Variants in VAV3 observed in about 807,000 individuals in gnomAD.
VAV3 encodes guanine nucleotide exchange factor VAV3.
Under a neutral mutation model 131.2 loss-of-function variants are expected in VAV3, and 94 were observed. That is an observed-to-expected ratio of 0.72 (90% CI 0.61 to 0.85). VAV3 has a LOEUF of 0.85. VAV3 is among the 40% of genes least tolerant of loss of function. VAV3 has a pLI of 0.00. For missense variants in VAV3, 939 were observed against 1,002.7 expected (o/e 0.94, Z 0.86); for synonymous variants, 349 against 342.0 (o/e 1.02, Z -0.22).
At chr1:107,633,599 T>G (rs1171875330) in intron 20 of VAV3, among the ~76,000 whole-genome samples, 3 of 152,144 alleles carry the variant, frequency 2.0e-5, no homozygotes, top group Non-Finnish European at 2.9e-5. Context: ...CTCCTGGTAT[T>G]TGATTGGTAT....
intron 2 of VAV3, among the ~76,000 whole-genome samples, chr1:107,858,178 C>A (rs1293287511): frequency 2.0e-5 from 3 of 152,076 alleles, no homozygotes; most frequent in Non-Finnish European, 4.4e-5. Context: ...GGAGGAAAAT[C>A]CACTTAACTA....
Position 107,738,765 on chromosome 1 carries a change from A to T in VAV3, c.1502+10203T>A, listed in dbSNP as rs936479310. On this transcript the variant is annotated intron_variant, in intron 15 of 26. Coordinates refer to ENST00000370056, the MANE Select transcript of VAV3 (RefSeq NM_006113.5). ...TAGGTTAAAGCTTGATTATTATCAT[A>T]GAATTCACTGCAGTGGAGACTTTGT... 3.3e-5 allele frequency among the ~76,000 whole-genome samples: 5 copies of T among 152,226 alleles called. 1 individual carries two copies. Among genetic ancestry groups the T allele is most frequent in the African/African-American group, 1.2e-4 (5 of 41,460 alleles).
At chr1:107,825,125 G>A (rs998954223) in intron 2 of VAV3, among the ~76,000 whole-genome samples, 2 of 152,134 alleles carry the variant, frequency 1.3e-5, no homozygotes, top group Non-Finnish European at 2.9e-5. Flanking sequence ...ATAAATGTGA[G>A]TAGCTGCAGC....
At chr1:107,889,624 TAAAC>T (rs1018796161) in intron 1 of VAV3, among the ~76,000 whole-genome samples, 3 of 151,120 alleles carry the variant, frequency 2.0e-5, no homozygotes, top group African/African-American at 7.3e-5. Context: ...AGATTTTACA[TAAAC>T]AAATAAAACC....
intron 25 of VAV3, among the ~76,000 whole-genome samples, chr1:107,579,731 G>A (rs1649901611): frequency 6.6e-6 from 1 of 152,118 alleles, no homozygotes; most frequent in Non-Finnish European, 1.5e-5. Context: ...GCTAAATTAT[G>A]AAATCCAAAC....
intron 1 of VAV3, among the ~76,000 whole-genome samples, chr1:107,881,387 G>T (rs931012644): frequency 2.0e-5 from 3 of 152,182 alleles, no homozygotes; most frequent in Non-Finnish European, 4.4e-5. Context: ...GGCACTGGAA[G>T]GATAGCAGGG....
At chr1:107,842,406 G>C (rs1668762243) in intron 2 of VAV3, among the ~76,000 whole-genome samples, 1 of 152,184 alleles carries the variant, frequency 6.6e-6, no homozygotes, top group Non-Finnish European at 1.5e-5. Context: ...CTGATTTTTA[G>C]TACCTCTGAA....
chr1:107,755,586 CA>C (rs1279756239), intron 11 of VAV3, 73 bp from the exon 12 acceptor site: 26 of 1,052,140 alleles, frequency 2.5e-5, no homozygotes, highest in South Asian at 1.1e-4. Flanking sequence ...TGAAAGAAAA[CA>C]CATCATTAAT....
At chr1:107,782,933 T>C (rs989546529) in intron 2 of VAV3, among the ~76,000 whole-genome samples, 1 of 152,180 alleles carries the variant, frequency 6.6e-6, no homozygotes, top group African/African-American at 2.4e-5. Flanking sequence ...CACAAAATAA[T>C]AGGAAATTCT....
At chr1:107,915,630 A>C (rs1301958088) in intron 1 of VAV3, among the ~76,000 whole-genome samples, 1 of 152,214 alleles carries the variant, frequency 6.6e-6, no homozygotes, top group Non-Finnish European at 1.5e-5. Context: ...ATGTCAGTTA[A>C]ATAAGGCAAA....
At chr1:107,640,608 C>G (rs1430350374) in intron 20 of VAV3, among the ~76,000 whole-genome samples, 7 of 152,114 alleles carry the variant, frequency 4.6e-5, no homozygotes, top group Admixed American at 6.6e-5. Context: ...TGTGTGTGTT[C>G]AAACTTATCA....
intron 13 of VAV3, among the ~76,000 whole-genome samples, chr1:107,750,394 C>T (rs958282168): frequency 6.6e-6 from 1 of 152,190 alleles, no homozygotes; most frequent in Non-Finnish European, 1.5e-5. Flanking sequence ...AATACCAATA[C>T]TTGTGTATTT....
chr1:107,935,620 A>C (rs1047112189), intron 1 of VAV3, among the ~76,000 whole-genome samples: 2 of 152,234 alleles, frequency 1.3e-5, no homozygotes, highest in Non-Finnish European at 2.9e-5. Context: ...GAAATGAGTA[A>C]GAAACCATCC....
intron 15 of VAV3, among the ~76,000 whole-genome samples, chr1:107,714,442 G>A (rs752011451): frequency 6.6e-6 from 1 of 152,042 alleles, no homozygotes; most frequent in African/African-American, 2.4e-5. Flanking sequence ...CCTAAAGTTA[G>A]ACTTTCCCAT....
chr1:107,933,950 C>G (rs1673586704), intron 1 of VAV3, among the ~76,000 whole-genome samples: 1 of 152,108 alleles, frequency 6.6e-6, no homozygotes, highest in Admixed American at 6.6e-5. Context: ...TGGCCCTTAG[C>G]AGGAGCTTGG....
rs1161088981 is a variant in VAV3 at position 107,952,468 on chromosome 1, T to TTATATATATATATATATATA, written c.204+12197_204+12198insTATATATATATATATATATA. Among the ~76,000 whole-genome samples the TTATATATATATATATATATA allele has an allele frequency of 1.2e-3, 146 of 118,976 alleles. 2 individuals carry two copies. The highest frequency in any genetic ancestry group is 1.7e-3 in the East Asian group (6 of 3,568). The allele number at this position is 118,976 out of a possible 152,430, so 78.1% of individuals were successfully genotyped here. A position where few individuals can be genotyped will look rare whatever the true frequency, so the allele number is the denominator to read the frequency against. On this transcript the variant is annotated intron_variant, in intron 1 of 26. Coordinates refer to ENST00000370056, the MANE Select transcript of VAV3 (RefSeq NM_006113.5). ...TGTGCCCCGAACTTATAACAAAACT[T>TTATATATATATATATATATA]TATATATATATATATATACACACAT...
chr1:107,658,822 T>G (rs1656782548), intron 19 of VAV3, among the ~76,000 whole-genome samples: 1 of 152,208 alleles, frequency 6.6e-6, no homozygotes, highest in African/African-American at 2.4e-5. Flanking sequence ...TAAATTTGTT[T>G]GAGTTCATTG....
At position 107,859,968 on chromosome 1, in the gene VAV3, T is replaced by C. The variant is rs564992429; in HGVS notation, c.321+14933A>G. On this transcript the variant is annotated intron_variant, in intron 2 of 26. Coordinates refer to ENST00000370056, the MANE Select transcript of VAV3 (RefSeq NM_006113.5). Reference sequence around the variant, plus strand: ...ATGTGATAAAGATATTATGGTTATATAGAAAAATATCCTTATTTTGACGGC... The same window carrying C: ...ATGTGATAAAGATATTATGGTTATACAGAAAAATATCCTTATTTTGACGGC... Among the ~76,000 whole-genome samples the C allele has an allele frequency of 3.3e-5, 5 of 152,314 alleles. No individual in the cohort carries two copies. In the East Asian group the frequency reaches 9.6e-4, roughly 29 times the overall value.
At chr1:107,884,573 C>G (rs2101043842) in intron 1 of VAV3, among the ~76,000 whole-genome samples, 1 of 151,610 alleles carries the variant, frequency 6.6e-6, no homozygotes, top group South Asian at 2.1e-4. Flanking sequence ...AGCCTCTAGA[C>G]TAGCTGGGAC....
Sources: allele counts gnomAD v4.1 joint callset (sites outside exome capture counted in the v4.1 genomes callset), GRCh38; gene constraint gnomAD v4.1.1; transcripts MANE v1.5; gene names NCBI Gene and HGNC (gene_info 2026-07-23, HGNC 2026-07-21).